Variants in TRPM3 observed in about 807,000 individuals in gnomAD.
TRPM3 encodes the protein transient receptor potential cation channel subfamily M member 3.
A neutral mutation model predicts 181.2 loss-of-function variants in TRPM3; 77 were observed. That is an observed-to-expected ratio of 0.42 (90% CI 0.35 to 0.51). The LOEUF (loss-of-function observed/expected upper bound fraction) is 0.51. Ranked by LOEUF, TRPM3 falls within the 20% of genes least tolerant of loss-of-function variation. The pLI is 0.01. For synonymous variants in TRPM3, 745 were observed against 796.4 expected (o/e 0.94, Z 1.09); for missense variants, 1,759 against 2,196.7 (o/e 0.80, Z 3.98).
At chr9:70,891,353 T>C (rs2096200005) in intron 1 of TRPM3, among the ~76,000 whole-genome samples, 1 of 151,876 alleles carries the variant, frequency 6.6e-6, no homozygotes, top group South Asian at 2.1e-4. Flanking sequence ...AATAGCTAAA[T>C]CCCATTTTTC....
At chr9:70,588,536 T>C (rs1027494565) in intron 22 of TRPM3, among the ~76,000 whole-genome samples, 1 of 151,696 alleles carries the variant, frequency 6.6e-6, no homozygotes, top group Non-Finnish European at 1.5e-5. Flanking sequence ...GAAGGTGTGT[T>C]TGAATGAGCA....
intron 1 of TRPM3, among the ~76,000 whole-genome samples, chr9:70,894,116 C>A (rs796518394): frequency 1.6e-4 from 25 of 152,282 alleles, no homozygotes; most frequent in African/African-American, 5.8e-4. Context: ...AGCCATCCCA[C>A]CAAATTTTAA....
At chr9:71,203,300 A>T (rs1446715901) in intron 1 of TRPM3, among the ~76,000 whole-genome samples, 4 of 152,192 alleles carry the variant, frequency 2.6e-5, no homozygotes, top group Non-Finnish European at 4.4e-5. Context: ...TCTGGAAAAT[A>T]TCCCTTTCAC....
In TRPM3 at chr9:70,629,218, G is replaced by GGGT. The variant is rs1485598445; in HGVS notation, c.1633-3702_1633-3701insACC. ...TAAATGATTCTGTGACCAGTGCCGG[G>GGGT]GGGGGGGGGGGCCTGCGTTCTGTTT... On this transcript the variant is annotated intron_variant, in intron 12 of 25. Coordinates refer to ENST00000677713, the MANE Select transcript of TRPM3 (RefSeq NM_001366145.2). Among the ~76,000 whole-genome samples, 4 of 59,844 alleles carry GGGT rather than the reference G, an allele frequency of 6.7e-5. 1 individual carries two copies. The highest frequency in any genetic ancestry group is 1.3e-4 in the Admixed American group (1 of 7,430). The allele number at this position is 59,844 out of a possible 152,430, so 39.3% of individuals were successfully genotyped here.
At chr9:71,096,243 T>C (rs1393831161) in intron 1 of TRPM3, among the ~76,000 whole-genome samples, 1 of 149,508 alleles carries the variant, frequency 6.7e-6, no homozygotes, top group Non-Finnish European at 1.5e-5. Context: ...TGAAACAGCA[T>C]AGACTGTGAG....
chr9:71,062,330 A>C (rs895039786), intron 1 of TRPM3, among the ~76,000 whole-genome samples: 1 of 152,080 alleles, frequency 6.6e-6, no homozygotes, highest in African/African-American at 2.4e-5. Context: ...AGGGCATTTC[A>C]GTTTTATGTC....
intron 1 of TRPM3, among the ~76,000 whole-genome samples, chr9:70,911,426 C>T (rs765053047): frequency 2.0e-5 from 3 of 152,130 alleles, no homozygotes; most frequent in East Asian, 3.9e-4. Context: ...CAAAATCATG[C>T]CTCAAATATG....
intron 1 of TRPM3, among the ~76,000 whole-genome samples, chr9:71,213,510 T>C (rs2079643722): frequency 6.6e-6 from 1 of 152,208 alleles, no homozygotes; most frequent in Admixed American, 6.5e-5. Context: ...CAATACTATG[T>C]TTTGTTTTGT....
intron 19 of TRPM3, among the ~76,000 whole-genome samples, chr9:70,608,996 C>G (rs1314804507): frequency 6.6e-6 from 1 of 152,192 alleles, no homozygotes; most frequent in Non-Finnish European, 1.5e-5. Context: ...CACTGATTAT[C>G]TATTGCTGGG....
intron 1 of TRPM3, among the ~76,000 whole-genome samples, chr9:70,993,715 C>T (rs749635930): frequency 5.5e-5 from 8 of 144,404 alleles, no homozygotes; most frequent in East Asian, 2.1e-4. Flanking sequence ...AGAAAGAAAG[C>T]GCTCCACTGC....
intron 1 of TRPM3, among the ~76,000 whole-genome samples, chr9:71,105,941 TGTG>T (rs757100522): frequency 1.7e-4 from 26 of 152,166 alleles, no homozygotes; most frequent in Non-Finnish European, 2.6e-4. Context: ...TGATATGGGT[TGTG>T]GTCACATGGC....
intron 1 of TRPM3, among the ~76,000 whole-genome samples, chr9:71,061,322 A>C (rs1182051044): frequency 6.6e-6 from 1 of 152,144 alleles, no homozygotes; most frequent in Non-Finnish European, 1.5e-5. Flanking sequence ...GGCTTGGGAC[A>C]TCCCAATCAT....
chr9:71,285,413 A>G (rs921391764), intron 1 of TRPM3, among the ~76,000 whole-genome samples: 1 of 152,176 alleles, frequency 6.6e-6, no homozygotes, highest in African/African-American at 2.4e-5. Context: ...ACAAGCAAGG[A>G]AACACTGAGC....
At chr9:71,430,507 AGT>A (rs1314916853) in intron 1 of TRPM3, among the ~76,000 whole-genome samples, 2 of 152,138 alleles carry the variant, frequency 1.3e-5, no homozygotes, top group African/African-American at 4.8e-5. Context: ...AAGCATACAG[AGT>A]GAGATTAAAT....
At chr9:71,123,551 T>C (rs1278573801), upstream of TRPM3, among the ~76,000 whole-genome samples, 2 of 152,234 alleles carry the variant, frequency 1.3e-5, no homozygotes, top group African/African-American at 4.8e-5. Context: ...CATGTGCTGA[T>C]TCTGAGCTGG....
At chr9:71,196,140 C>T (rs1041396072) in intron 1 of TRPM3, among the ~76,000 whole-genome samples, 12 of 145,778 alleles carry the variant, frequency 8.2e-5, no homozygotes, top group South Asian at 2.2e-4. Context: ...TATGTACATA[C>T]GCATATATAT....
chr9:70,557,248 C>G (rs887724154), intron 22 of TRPM3, among the ~76,000 whole-genome samples: 2 of 152,154 alleles, frequency 1.3e-5, no homozygotes, highest in African/African-American at 4.8e-5. Context: ...CCTGGCCATA[C>G]AGAGCAGTCT....
In TRPM3 at chr9:70,923,935, TACATATATATATAC is replaced by T. The variant is rs1564772371; in HGVS notation, c.178-59438_178-59425del. On this transcript the variant is annotated intron_variant, in intron 1 of 25. Coordinates refer to ENST00000677713, the MANE Select transcript of TRPM3 (RefSeq NM_001366145.2). ...ATATATACATATATACACACATATATACATATATATATACACACACACACATATATATATACACA... is the reference window on the plus strand; with the variant it reads ...ATATATACATATATACACACATATATACACACACACATATATATATACACA... Among the ~76,000 whole-genome samples, 204 of 136,622 alleles carry T rather than the reference TACATATATATATAC, an allele frequency of 1.5e-3. 5 individuals carry two copies. In the East Asian group the frequency reaches 0.045, roughly 30 times the overall value. 89.6% of individuals were successfully genotyped at this position (136,622 alleles called of 152,430 possible). A position where few individuals can be genotyped will look rare whatever the true frequency, so the allele number is the denominator to read the frequency against.
intron 1 of TRPM3, among the ~76,000 whole-genome samples, chr9:71,075,504 T>C (rs2063336278): frequency 6.6e-6 from 1 of 152,198 alleles, no homozygotes; most frequent in Admixed American, 6.5e-5. Context: ...TGGATTTCGA[T>C]AATAAATCCT....
Sources: gnomAD v4.1 joint callset for allele counts (sites outside exome capture counted in the v4.1 genomes callset) on GRCh38, gnomAD v4.1.1 for gene constraint, MANE v1.5 for transcripts, NCBI Gene and HGNC (gene_info 2026-07-23, HGNC 2026-07-21) for gene names.